The following SYCP2L variants were observed in gnomAD, a reference collection of about 807,000 sequenced individuals.
SYCP2L encodes synaptonemal complex protein 2 like, also known as synaptonemal complex protein 2-like.
A neutral mutation model predicts 125.8 loss-of-function variants in SYCP2L; 98 were observed. That is an observed-to-expected ratio of 0.78 (90% CI 0.66 to 0.92). The LOEUF (loss-of-function observed/expected upper bound fraction) is 0.92, where lower values mean the gene tolerates loss of function less well. Among genes scored for constraint, SYCP2L ranks in the 40% least tolerant of loss-of-function variants. The pLI is 0.00. For missense variants in SYCP2L, 842 were observed against 936.4 expected (o/e 0.90, Z 1.32); for synonymous variants, 317 against 325.4 (o/e 0.97, Z 0.28).
At chr6:10,952,989 G>A (rs181406993) in intron 23 of SYCP2L, among the ~76,000 whole-genome samples, 2 of 152,210 alleles carry the variant, frequency 1.3e-5, no homozygotes, top group African/African-American at 2.4e-5. Flanking sequence ...TTATTACAGA[G>A]AGGCCAGATA....
chr6:10,938,610 A>G (rs1781150205), intron 21 of SYCP2L, among the ~76,000 whole-genome samples: 1 of 152,230 alleles, frequency 6.6e-6, no homozygotes, highest in South Asian at 2.1e-4. Flanking sequence ...AAGATGTTAA[A>G]TTGTTTTTGT....
chr6:10,895,630 AG>A (rs35545017), intron 4 of SYCP2L, among the ~76,000 whole-genome samples: 30 of 150,872 alleles, frequency 2.0e-4, no homozygotes, highest in Admixed American at 9.9e-4. Flanking sequence ...GGAGAACAAA[AG>A]GGGGGGGTAC....
At chr6:10,963,659 T>G in intron 28 of SYCP2L, 123 bp from the exon 29 acceptor site, 1 of 897,360 alleles carries the variant, frequency 1.1e-6, no homozygotes, top group South Asian at 1.6e-5. Flanking sequence ...GGTGTTGGTG[T>G]CTATAATTAA....
In SYCP2L at chr6:10,949,886, A is replaced by G. The variant is rs111318377; in HGVS notation, c.1955-5230A>G. 5.7e-3 allele frequency among the ~76,000 whole-genome samples: 860 copies of G among 151,860 alleles called. 12 individuals carry two copies. The highest frequency in any genetic ancestry group is 0.02 in the African/African-American group (813 of 41,416). On this transcript the variant is annotated intron_variant, in intron 23 of 29. Transcript: ENST00000283141. ...ATTGTGCTTCCATTGATATATTTGG[A>G]TTGAGTTTTCTCGTCTTTGTCCCAC...
chr6:10,955,086 C>A lies in SYCP2L; in HGVS notation c.1955-30C>A. The stretch of plus-strand genomic sequence containing the variant: ...AAAAATGAACAAGATAATTTCGGGT[C>A]AAAAGGAAATGTGCTCTGTTTGCCT... On this transcript the variant is annotated intron_variant, in intron 23 of 29. Coordinates refer to ENST00000283141, the MANE Select transcript of SYCP2L (RefSeq NM_001040274.3). The A allele has an allele frequency of 2.0e-6, 3 of 1,511,102 alleles. No individual in the cohort carries two copies. The South Asian group carries it at 3.4e-5, about 17-fold the overall frequency. 93.6% of individuals were successfully genotyped at this position (1,511,102 alleles called of 1,614,324 possible). A position where few individuals can be genotyped will look rare whatever the true frequency, so the allele number is the denominator to read the frequency against.
At chr6:10,925,569 TA>T (rs1425409355) in intron 15 of SYCP2L, among the ~76,000 whole-genome samples, 2 of 152,190 alleles carry the variant, frequency 1.3e-5, no homozygotes, top group African/African-American at 4.8e-5. Flanking sequence ...TAATGGCCCA[TA>T]GAAAGTTGAA....
intron 6 of SYCP2L, among the ~76,000 whole-genome samples, chr6:10,899,794 G>A (rs1358020964): frequency 6.6e-6 from 1 of 152,184 alleles, no homozygotes; most frequent in African/African-American, 2.4e-5. Context: ...AAACTTGGTT[G>A]ACTTGGTTGG....
chr6:10,914,139 A>C (rs1780651056), intron 14 of SYCP2L, among the ~76,000 whole-genome samples: 1 of 151,994 alleles, frequency 6.6e-6, no homozygotes, highest in Non-Finnish European at 1.5e-5. Flanking sequence ...ATTCTTCTAG[A>C]ATTTTTATAG....
chr6:10,911,420 G>A (rs976354343), intron 12 of SYCP2L, among the ~76,000 whole-genome samples: 1 of 152,124 alleles, frequency 6.6e-6, no homozygotes, highest in Admixed American at 6.6e-5. Flanking sequence ...ATATTTAGAG[G>A]TCTTGGAAGC....
At chr6:10,946,675 C>G (rs1050303672) in intron 23 of SYCP2L, among the ~76,000 whole-genome samples, 1 of 151,896 alleles carries the variant, frequency 6.6e-6, no homozygotes, top group African/African-American at 2.4e-5. Flanking sequence ...TCTATTCTTC[C>G]TGATGAAAAT....
chr6:10,924,748 C>G, intron 15 of SYCP2L, 107 bp downstream of exon 15: 1 of 1,108,722 alleles, frequency 9.0e-7, no homozygotes, highest in Non-Finnish European at 1.2e-6. Context: ...AAGCAGAAAA[C>G]CTGGTCTTTC....
intron 28 of SYCP2L, among the ~76,000 whole-genome samples, 169 bp from the exon 29 acceptor site, chr6:10,963,613 A>G (rs1441845216): frequency 6.6e-6 from 1 of 152,246 alleles, no homozygotes; most frequent in Non-Finnish European, 1.5e-5. Context: ...AAATGGAATC[A>G]GATGAACATG....
chr6:10,926,078 G>A (rs1479971139), intron 15 of SYCP2L, among the ~76,000 whole-genome samples: 4 of 152,170 alleles, frequency 2.6e-5, no homozygotes, highest in Admixed American at 2.6e-4. Context: ...TAAGACCTGG[G>A]CCAGAGACAG....
At chr6:10,899,502 C>T (rs528978257) in intron 6 of SYCP2L, among the ~76,000 whole-genome samples, 13 of 152,212 alleles carry the variant, frequency 8.5e-5, no homozygotes, top group African/African-American at 2.9e-4. Flanking sequence ...GAGTCATGAT[C>T]GTGCCACTCC....
At chr6:10,967,457 GTGTGTGTGTGTGTGTGTGTGT>G (rs1781701980) in intron 29 of SYCP2L, among the ~76,000 whole-genome samples, 12 of 134,168 alleles carry the variant, frequency 8.9e-5, no homozygotes, top group Non-Finnish European at 1.6e-4. Flanking sequence ...GGTAGAGGGT[GTGTGTGTGTGTGTGTGTGTGT>G]GTGTGTGTGT....
chr6:10,965,476 C>A (rs1333548114), intron 29 of SYCP2L, among the ~76,000 whole-genome samples: 1 of 152,166 alleles, frequency 6.6e-6, no homozygotes, highest in Admixed American at 6.5e-5. Context: ...GATGTCTGTG[C>A]ACATCCAAGT....
intron 21 of SYCP2L, among the ~76,000 whole-genome samples, chr6:10,936,745 C>T (rs148879953): frequency 5.3e-5 from 8 of 152,136 alleles, no homozygotes; most frequent in East Asian, 1.9e-4. Context: ...AGTGAAGGGT[C>T]GGAAAAAGAT....
At position 10,974,292 on chromosome 6, in the gene SYCP2L, T is replaced by A. The variant is rs899448917; in HGVS notation, c.*378T>A. On this transcript the variant is annotated 3_prime_UTR_variant, in exon 30 of 30. Coordinates refer to ENST00000283141, the MANE Select transcript of SYCP2L (RefSeq NM_001040274.3). Reference sequence around the variant, plus strand: ...CAAGTTTTGTGTGAATAAAACACTTTAGCAGCATCTGTATAAATACAATTG... The same window carrying A: ...CAAGTTTTGTGTGAATAAAACACTTAAGCAGCATCTGTATAAATACAATTG... 6.6e-6 allele frequency: 1 copy of A among 152,230 alleles called. No individual in the cohort carries two copies. The highest frequency in any genetic ancestry group is 2.4e-5 in the African/African-American group (1 of 41,462). 9.4% of individuals were successfully genotyped at this position (152,230 alleles called of 1,614,324 possible).
intron 21 of SYCP2L, among the ~76,000 whole-genome samples, chr6:10,941,975 T>TA (rs567107518): frequency 6.6e-6 from 1 of 151,918 alleles, no homozygotes; most frequent in African/African-American, 2.4e-5. Context: ...TATGCAGCCA[T>TA]AAAAAATGAT....
Sources: allele counts gnomAD v4.1 joint callset (sites outside exome capture counted in the v4.1 genomes callset), GRCh38; gene constraint gnomAD v4.1.1; transcripts MANE v1.5; gene names NCBI Gene and HGNC (gene_info 2026-07-23, HGNC 2026-07-21).